Variants in PLK4 observed in about 807,000 individuals in gnomAD.
PLK4 encodes serine/threonine-protein kinase PLK4.
In PLK4, 51 loss-of-function variants were observed where a neutral mutation model predicts 103.0. The ratio of observed to expected loss-of-function variants is 0.50; its 90% CI spans 0.40 to 0.63. PLK4 has a LOEUF of 0.63. Among genes scored for constraint, PLK4 ranks in the 20% least tolerant of loss-of-function variants. The pLI, the probability that PLK4 is intolerant of heterozygous loss-of-function variation, is 0.00. For missense variants in PLK4, 1,054 were observed against 1,151.0 expected (o/e 0.92, Z 1.22); for synonymous variants, 389 against 376.8 (o/e 1.03, Z -0.38).
intron 4 of PLK4, among the ~76,000 whole-genome samples, chr4:127,885,341 C>T (rs1006175461): frequency 8.6e-5 from 13 of 151,026 alleles, no homozygotes; most frequent in African/African-American, 2.0e-4. Flanking sequence ...TAGCCAGGCA[C>T]GGTGGCGGGC....
intron 8 of PLK4, 31 bp from the exon 9 acceptor site, chr4:127,891,548 T>TA (rs752488140): frequency 2.1e-6 from 2 of 951,154 alleles, no homozygotes; most frequent in African/African-American, 3.3e-5. Context: ...TAATGGCATG[T>TA]AATTAGAATT....
chr4:127,892,936 A>G (rs1735418529), intron 10 of PLK4, among the ~76,000 whole-genome samples: 2 of 152,220 alleles, frequency 1.3e-5, no homozygotes, highest in Middle Eastern at 3.4e-3. Context: ...AATCTATTCT[A>G]TAAAGATGAA....
At chr4:127,886,814 C>T (rs549965253) in intron 5 of PLK4, 86 bp downstream of exon 5, 545 of 752,990 alleles carry the variant, frequency 7.2e-4, no homozygotes, top group Non-Finnish European at 9.2e-4. Flanking sequence ...CGGGGGGATA[C>T]CAGGGAAATG....
At chr4:127,891,392 TC>T (rs1158135077) in intron 8 of PLK4, among the ~76,000 whole-genome samples, 186 bp from the exon 9 acceptor site, 2 of 151,946 alleles carry the variant, frequency 1.3e-5, no homozygotes, top group African/African-American at 4.8e-5. Flanking sequence ...AATAATTATA[TC>T]TAGTAAGAAA....
chr4:127,886,111 T>C lies in PLK4; in HGVS notation c.741T>C (p.Arg247=), dbSNP rs774150654. 1.2e-6 allele frequency: 2 copies of C among 1,614,240 alleles called. No individual in the cohort carries two copies. Among genetic ancestry groups the C allele is most frequent in the Non-Finnish European group, 1.7e-6 (2 of 1,180,026 alleles). The change falls in exon 5 of 16, where the codon CGT becomes CGC. Residue 247 remains arginine, a synonymous_variant. Coordinates refer to ENST00000270861, the MANE Select transcript of PLK4 (RefSeq NM_014264.5). ...AGGACCTTATTCACCAGTTACTTCGTAGAAATCCAGCAGATCGTTTAAGTC... is the reference window on the plus strand; with the variant it reads ...AGGACCTTATTCACCAGTTACTTCGCAGAAATCCAGCAGATCGTTTAAGTC... ...EAKDLIHQLL[R]RNPADRLSLS...
At chr4:127,886,975 A>G (rs1735161781) in intron 5 of PLK4, among the ~76,000 whole-genome samples, 2 of 152,170 alleles carry the variant, frequency 1.3e-5, no homozygotes, top group Admixed American at 1.3e-4. Context: ...GTGAGTCTCC[A>G]GTGCAAAGTA....
At chr4:127,895,452 CTTTTTTTTTT>C (rs70966059) in intron 14 of PLK4, among the ~76,000 whole-genome samples, 1,470 of 65,194 alleles carry the variant, frequency 0.023, 10 homozygotes, top group Non-Finnish European at 0.027. Context: ...GAGTAACTTT[CTTTTTTTTTT>C]TTTTTTTTTT....
Position 127,891,206 on chromosome 4 carries a change from A to G in PLK4, c.1935+10A>G, listed in dbSNP as rs1254891996. ...TAGTGATGGAAATACGGTAATGTGT[A>G]GTTACTTTATTACCTTGCAACTTCA... On this transcript the variant is annotated intron_variant, in intron 8 of 15. Coordinates refer to ENST00000270861, the MANE Select transcript of PLK4 (RefSeq NM_014264.5). The G allele has an allele frequency of 1.5e-6, 2 of 1,299,650 alleles. No individual in the cohort carries two copies. Among genetic ancestry groups the G allele is most frequent in the South Asian group, 1.3e-5 (1 of 77,506 alleles). 80.5% of individuals were successfully genotyped at this position (1,299,650 alleles called of 1,614,324 possible). A position where few individuals can be genotyped will look rare whatever the true frequency, so the allele number is the denominator to read the frequency against.
chr4:127,881,281 C>A (rs1165783986), intron 1 of PLK4, 117 bp downstream of exon 1: 5 of 1,566,628 alleles, frequency 3.2e-6, no homozygotes, highest in Non-Finnish European at 4.3e-6. Flanking sequence ...CACCGAGGTG[C>A]TTAGGGAGGG....
intron 10 of PLK4, 42 bp from the exon 11 acceptor site, chr4:127,893,243 T>TA (rs1578765205): frequency 2.4e-6 from 3 of 1,258,486 alleles, no homozygotes; most frequent in East Asian, 4.8e-5. Context: ...GGAATATTTT[T>TA]AAAAAGGATA....
rs182689355 is a variant in PLK4, at chr4:127,886,076, A to G, written c.706A>G (p.Ile236Val). The G allele has an allele frequency of 1.5e-5, 25 of 1,614,220 alleles. No homozygotes were observed. The East Asian group carries it at 2.7e-4, about 17-fold the overall frequency. The change falls in exon 5 of 16, where the codon ATA (isoleucine) becomes GTA (valine). Residue 236 changes from isoleucine (I) to valine (V), a missense_variant. Around this residue, in one of 4 missense-constraint regions of PLK4, gnomAD observed 680 missense variants for 660.3 expected, o/e 1.03. Transcript: ENST00000270861. Reference sequence around the variant, plus strand: ...TTATGAAATGCCATCTTTTTTGTCAATAGAGGCCAAGGACCTTATTCACCA... The same window carrying G: ...TTATGAAATGCCATCTTTTTTGTCAGTAGAGGCCAAGGACCTTATTCACCA... ...ADYEMPSFLS[I>V]EAKDLIHQLL...
chr4:127,894,820 TATATTTTCGTTAAAAA>T (rs1270515037), intron 13 of PLK4, 117 bp from the exon 14 acceptor site: 2 of 562,744 alleles, frequency 3.6e-6, no homozygotes, highest in Admixed American at 7.7e-5. Context: ...ATAATGTGGT[TATATTTTCGTTAAAAA>T]ATGTTTGTTT....
Position 127,894,950 on chromosome 4 carries a change from T to C in PLK4, c.2563-3T>C. 6.4e-7 allele frequency: 1 copy of C among 1,572,738 alleles called. No individual in the cohort carries two copies. ...ATATCTTCCTGTCCTTTATTCTTTGTAGATGGTTACAAATGAAGGACTTGG... is the reference window on the plus strand; with the variant it reads ...ATATCTTCCTGTCCTTTATTCTTTGCAGATGGTTACAAATGAAGGACTTGG... On this transcript the variant is annotated splice_region_variant and splice_polypyrimidine_tract_variant and intron_variant, in intron 13 of 15. Coordinates refer to ENST00000270861, the MANE Select transcript of PLK4 (RefSeq NM_014264.5).
At position 127,894,979 on chromosome 4, in the gene PLK4, T is replaced by TA. The variant is rs1735506997; in HGVS notation, c.2590dup (p.Thr864AsnfsTer12). On this transcript the variant is annotated frameshift_variant, in exon 14 of 16. Transcript: ENST00000270861. LOFTEE classifies it high-confidence loss of function. ...TGGTTACAAATGAAGGACTTGGTCT[T>TA]ACAACTACAGCTTCTGGAACAGACA... 6.2e-7 allele frequency: 1 copy of TA among 1,605,438 alleles called. No individual in the cohort carries two copies. The highest frequency in any genetic ancestry group is 1.3e-5 in the African/African-American group (1 of 74,694).
intron 9 of PLK4, 163 bp downstream of exon 9, chr4:127,891,844 C>G (rs1464002379): frequency 1.4e-5 from 5 of 357,432 alleles, no homozygotes; most frequent in Non-Finnish European, 2.5e-5. Context: ...GCCTTTAATG[C>G]AATGTTTATT....
At position 127,892,461 on chromosome 4, in the gene PLK4, G is replaced by A. The variant is rs373208121; in HGVS notation, c.2135G>A (p.Cys712Tyr). 9 of 1,598,872 alleles carry A rather than the reference G, an allele frequency of 5.6e-6. No individual in the cohort carries two copies. Among genetic ancestry groups the A allele is most frequent in the South Asian group, 3.3e-5 (3 of 89,678 alleles). Residue 712 changes from cysteine to tyrosine, a missense_variant, in exon 10 of 16, where the codon TGC becomes TAC. Around this residue, in one of 4 missense-constraint regions of PLK4, gnomAD observed 680 missense variants for 660.3 expected, o/e 1.03. Coordinates refer to ENST00000270861, the MANE Select transcript of PLK4 (RefSeq NM_014264.5). ...KITYFTRYAKCILMENSPGAD... is the reference protein window; with the variant it reads ...KITYFTRYAKYILMENSPGAD... ...ACTTATTTTACAAGATATGCTAAATGCATTTTGATGGAGAATTCTCCTGGT... is the reference window on the plus strand; with the variant it reads ...ACTTATTTTACAAGATATGCTAAATACATTTTGATGGAGAATTCTCCTGGT...
intron 1 of PLK4, 101 bp downstream of exon 1, chr4:127,881,265 G>A: frequency 6.3e-7 from 1 of 1,585,806 alleles, no homozygotes; most frequent in South Asian, 1.1e-5. Context: ...ACGGCTGCGG[G>A]GCGGGCACCG....
intron 9 of PLK4, chr4:127,892,014 C>T (rs1362895174): frequency 4.6e-6 from 1 of 216,712 alleles, no homozygotes; most frequent in African/African-American, 2.3e-5. Context: ...AGCACATATA[C>T]TAAAGTTGGA....
chr4:127,892,270 T>A (rs770227675), intron 9 of PLK4, 95 bp from the exon 10 acceptor site: 8 of 758,118 alleles, frequency 1.1e-5, no homozygotes, highest in Non-Finnish European at 1.7e-5. Flanking sequence ...AGAAAACCTG[T>A]CTAATGTAAC....
Sources: gnomAD v4.1 joint callset for allele counts (sites outside exome capture counted in the v4.1 genomes callset) on GRCh38, gnomAD v4.1.1 for gene constraint, gnomAD v4.1.1 regional missense constraint, MANE v1.5 for transcripts, NCBI Gene and HGNC (gene_info 2026-07-23, HGNC 2026-07-21) for gene names.